The following PDE4D variants were observed in gnomAD, a reference collection of about 807,000 sequenced individuals.
PDE4D encodes 3',5'-cyclic-AMP phosphodiesterase 4D.
Under a neutral mutation model 87.4 loss-of-function variants are expected in PDE4D, and 24 were observed. That is an observed-to-expected ratio of 0.27 (90% CI 0.20 to 0.39). The LOEUF (loss-of-function observed/expected upper bound fraction) is 0.39. PDE4D is among the 10% of genes least tolerant of loss of function. PDE4D has a pLI of 1.00. For synonymous variants in PDE4D, 384 were observed against 383.2 expected, an observed-to-expected ratio of 1.00 and a Z score of -0.02; for missense variants, 714 against 1,041.0, an observed-to-expected ratio of 0.69 and a Z score of 4.32.
chr5:59,368,954 T>C (rs1280682378), intron 1 of PDE4D, among the ~76,000 whole-genome samples: 1 of 152,204 alleles, frequency 6.6e-6, no homozygotes, highest in East Asian at 1.9e-4. Context: ...AAAGGATGGG[T>C]TGGGGTGCCC....
At chr5:59,820,742 C>CG (rs1164556023) in intron 1 of PDE4D, among the ~76,000 whole-genome samples, 1 of 152,096 alleles carries the variant, frequency 6.6e-6, no homozygotes, top group East Asian at 1.9e-4. Context: ...GACATGGTAG[C>CG]GCTCAACTCC....
At chr5:59,014,136 G>A (rs1056581791) in intron 6 of PDE4D, among the ~76,000 whole-genome samples, 14 of 152,240 alleles carry the variant, frequency 9.2e-5, no homozygotes, top group African/African-American at 3.4e-4. Flanking sequence ...CGGTATTGAT[G>A]GGATGTATCT....
chr5:59,269,083 T>C (rs949501259), intron 1 of PDE4D, among the ~76,000 whole-genome samples: 1 of 151,758 alleles, frequency 6.6e-6, no homozygotes, highest in African/African-American at 2.4e-5. Flanking sequence ...AACCATGGTG[T>C]GCCTCAGATC....
intron 1 of PDE4D, among the ~76,000 whole-genome samples, chr5:59,735,917 C>T (rs148216767): frequency 1.6e-4 from 24 of 152,176 alleles, no homozygotes; most frequent in African/African-American, 5.5e-4. Flanking sequence ...GATCCATCTG[C>T]CTCGGCCTCC....
At chr5:60,042,522 C>G (rs375163068) in intron 2 of PDE4D, among the ~76,000 whole-genome samples, 8 of 152,148 alleles carry the variant, frequency 5.3e-5, no homozygotes, top group South Asian at 2.1e-4. Flanking sequence ...CAGCAGGGGT[C>G]GACAGACACC....
At chr5:59,011,296 C>T (rs186936856) in intron 6 of PDE4D, among the ~76,000 whole-genome samples, 6 of 152,306 alleles carry the variant, frequency 3.9e-5, no homozygotes, top group Admixed American at 1.3e-4. Context: ...CAGAGAATGA[C>T]TTTGACAAGC....
chr5:60,043,814 C>A (rs1768815084), intron 2 of PDE4D, among the ~76,000 whole-genome samples: 2 of 152,170 alleles, frequency 1.3e-5, no homozygotes, highest in South Asian at 4.1e-4. Context: ...TATTTCAAGG[C>A]AGGTCTACTG....
At chr5:60,159,091 T>A (rs1400469338) in intron 2 of PDE4D, among the ~76,000 whole-genome samples, 1 of 152,214 alleles carries the variant, frequency 6.6e-6, no homozygotes, top group Non-Finnish European at 1.5e-5. Flanking sequence ...ATTAACTTTT[T>A]AAACTTTTTT....
At chr5:59,600,474 T>C (rs1827340476) in intron 1 of PDE4D, among the ~76,000 whole-genome samples, 1 of 152,180 alleles carries the variant, frequency 6.6e-6, no homozygotes, top group Non-Finnish European at 1.5e-5. Context: ...TAACCTACCC[T>C]GGAATAGCCT....
At chr5:59,672,034 C>G (rs556791059) in intron 1 of PDE4D, among the ~76,000 whole-genome samples, 1 of 152,184 alleles carries the variant, frequency 6.6e-6, no homozygotes, top group South Asian at 2.1e-4. Context: ...CTATAGCACA[C>G]TCTTGAAGAT....
chr5:59,841,863 T>C (rs1743058685), intron 1 of PDE4D, among the ~76,000 whole-genome samples: 1 of 151,998 alleles, frequency 6.6e-6, no homozygotes, highest in African/African-American at 2.4e-5. Flanking sequence ...CTCAAGAAGC[T>C]GCGAAGAGTT....
chr5:59,834,302 C>T (rs927642963), intron 1 of PDE4D, among the ~76,000 whole-genome samples: 4 of 151,992 alleles, frequency 2.6e-5, no homozygotes, highest in African/African-American at 4.8e-5. Context: ...TCTTACCCAT[C>T]GAAAGAGTGA....
At chr5:59,089,582 C>G (rs1345137070) in intron 5 of PDE4D, among the ~76,000 whole-genome samples, 2 of 152,144 alleles carry the variant, frequency 1.3e-5, no homozygotes, top group Non-Finnish European at 2.9e-5. Flanking sequence ...CCTCAAGTAA[C>G]TTGCCCAAGG....
chr5:59,621,831 T>C (rs1265154430), intron 1 of PDE4D, among the ~76,000 whole-genome samples: 2 of 152,194 alleles, frequency 1.3e-5, no homozygotes, highest in Non-Finnish European at 2.9e-5. Flanking sequence ...AATTAGTCTG[T>C]GCAAGAATGA....
At chr5:60,045,505 T>G (rs1769112457) in intron 2 of PDE4D, among the ~76,000 whole-genome samples, 1 of 152,164 alleles carries the variant, frequency 6.6e-6, no homozygotes, top group South Asian at 2.1e-4. Flanking sequence ...GGTCTAACAT[T>G]TAAGTCTTTA....
intron 1 of PDE4D, among the ~76,000 whole-genome samples, chr5:59,416,298 A>C (rs989118618): frequency 6.6e-6 from 1 of 152,222 alleles, no homozygotes; most frequent in African/African-American, 2.4e-5. Context: ...AGAATCCCAG[A>C]GACAAGCCCA....
intron 5 of PDE4D, among the ~76,000 whole-genome samples, chr5:59,157,586 GTTA>G (rs1171811252): frequency 1.3e-5 from 2 of 152,270 alleles, no homozygotes; most frequent in East Asian, 1.9e-4. Context: ...TTGTATAATT[GTTA>G]TTATTACCAT....
chr5:59,969,010 GA>G (rs1466394362), intron 3 of PDE4D, among the ~76,000 whole-genome samples: 2 of 146,524 alleles, frequency 1.4e-5, no homozygotes, highest in Non-Finnish European at 3.0e-5. Context: ...CCGAAAAAAA[GA>G]GAAGCATCTT....
intron 1 of PDE4D, among the ~76,000 whole-genome samples, chr5:60,393,065 C>G (rs1762659037): frequency 6.6e-6 from 1 of 152,174 alleles, no homozygotes; most frequent in South Asian, 2.1e-4. Flanking sequence ...TGTGAAACTT[C>G]AAGTCTCTGA....
Sources: gnomAD v4.1 joint callset for allele counts (sites outside exome capture counted in the v4.1 genomes callset) on GRCh38, gnomAD v4.1.1 for gene constraint, MANE v1.5 for transcripts, NCBI Gene and HGNC (gene_info 2026-07-23, HGNC 2026-07-21) for gene names.